APLF: variants seen among roughly 807,000 people sequenced by gnomAD.
APLF encodes aprataxin and PNKP like factor, also known as aprataxin and PNK-like factor.
A neutral mutation model predicts 55.6 loss-of-function variants in APLF; 61 were observed. That is an observed-to-expected ratio of 1.10 (90% CI 0.89 to 1.36). APLF has a LOEUF of 1.36. APLF is among the 40% of genes most tolerant of loss of function. APLF has a pLI of 0.00. For missense variants in APLF, 611 were observed against 602.5 expected (o/e 1.01, Z -0.15); for synonymous variants, 207 against 214.8 (o/e 0.96, Z 0.32).
intron 2 of APLF, among the ~76,000 whole-genome samples, chr2:68,500,432 T>C (rs1032671835): frequency 7.9e-5 from 12 of 152,188 alleles, no homozygotes; most frequent in Non-Finnish European, 1.3e-4. Context: ...TCAAACAGAA[T>C]ATTGCGTGAT....
intron 8 of APLF, among the ~76,000 whole-genome samples, chr2:68,552,512 A>G (rs750010204): frequency 2.6e-5 from 4 of 152,174 alleles, no homozygotes; most frequent in Admixed American, 2.6e-4. Context: ...TAGATAATCT[A>G]AAATTTTCAT....
At chr2:68,557,212 A>G (rs1175082500) in intron 8 of APLF, among the ~76,000 whole-genome samples, 3 of 152,162 alleles carry the variant, frequency 2.0e-5, no homozygotes, top group Non-Finnish European at 4.4e-5. Flanking sequence ...TGCACTTTAA[A>G]TCATCTCTAG....
intron 9 of APLF, 46 bp from the exon 10 acceptor site, chr2:68,577,774 G>A (rs1488275660): frequency 6.3e-7 from 1 of 1,598,908 alleles, no homozygotes; most frequent in Admixed American, 1.7e-5. Flanking sequence ...GTCATCCCAG[G>A]TTGAGTGGTG....
chr2:68,557,078 A>G (rs756255407), intron 8 of APLF, among the ~76,000 whole-genome samples: 15 of 152,136 alleles, frequency 9.9e-5, no homozygotes, highest in African/African-American at 7.2e-5. Context: ...AGAAAGTACA[A>G]TCTGTCCCTG....
intron 5 of APLF, among the ~76,000 whole-genome samples, chr2:68,517,094 A>G (rs1669616097): frequency 8.0e-6 from 1 of 124,578 alleles, no homozygotes; most frequent in South Asian, 2.3e-4. Context: ...TTATTAATAT[A>G]TAATATACTA....
In APLF at chr2:68,529,567, G is replaced by T. The variant is rs1048778368; in HGVS notation, c.804+3325G>T. On this transcript the variant is annotated intron_variant, in intron 6 of 9. Transcript: ENST00000303795. This position sits in a 1 kb window ranked among gnomAD's most constrained non-coding sequence, Gnocchi z 4.4. ...CTGGGTGCACACTGGGCATCTGGGAGTTTATGACATCACCATGGGGCTGGT... is the reference window on the plus strand; with the variant it reads ...CTGGGTGCACACTGGGCATCTGGGATTTTATGACATCACCATGGGGCTGGT... 10 of 639,072 alleles carry T rather than the reference G, an allele frequency of 1.6e-5. No homozygotes were observed. In the African/African-American group the frequency reaches 1.8e-4, roughly 11 times the overall value. 39.6% of individuals were successfully genotyped at this position (639,072 alleles called of 1,614,324 possible). A position where few individuals can be genotyped will look rare whatever the true frequency, so the allele number is the denominator to read the frequency against.
intron 5 of APLF, among the ~76,000 whole-genome samples, chr2:68,514,062 T>C (rs1669497650): frequency 1.3e-5 from 2 of 151,800 alleles, no homozygotes; most frequent in Non-Finnish European, 2.9e-5. Flanking sequence ...TTCTTTTTTC[T>C]GCCATCTCTA....
intron 8 of APLF, among the ~76,000 whole-genome samples, chr2:68,558,705 C>T (rs1671082492): frequency 6.6e-6 from 1 of 152,038 alleles, no homozygotes; most frequent in Non-Finnish European, 1.5e-5. Context: ...TAAACATTTG[C>T]CATGATGGTT....
intron 5 of APLF, among the ~76,000 whole-genome samples, chr2:68,515,394 C>T (rs540319654): frequency 6.6e-6 from 1 of 151,582 alleles, no homozygotes; most frequent in African/African-American, 2.4e-5. Context: ...AGACACTTTC[C>T]CTCAGTAGAA....
At chr2:68,484,094 A>C (rs888430934) in intron 1 of APLF, among the ~76,000 whole-genome samples, 74 of 152,158 alleles carry the variant, frequency 4.9e-4, no homozygotes, top group Admixed American at 4.7e-3. Context: ...CAAAATATCT[A>C]AGTATTTCTG....
At chr2:68,525,923 T>C (rs1670031350) in intron 5 of APLF, 138 bp from the exon 6 acceptor site, 2 of 763,208 alleles carry the variant, frequency 2.6e-6, no homozygotes, top group Non-Finnish European at 4.0e-6. Context: ...CTATCTTTTG[T>C]ATTTTCAGTA....
intron 7 of APLF, among the ~76,000 whole-genome samples, chr2:68,541,174 A>G (rs889655044): frequency 4.6e-5 from 7 of 152,182 alleles, no homozygotes; most frequent in African/African-American, 1.4e-4. Flanking sequence ...TGTAAAACAT[A>G]TAAAGTACAG....
chr2:68,540,695 G>A lies in APLF; in HGVS notation c.1160+2468G>A, dbSNP rs557487300. ...CTGTTGCAAGAATCAATATTGTAAA[G>A]ATATATATTTCCTCAAAATCGCTCT... On this transcript the variant is annotated intron_variant, in intron 7 of 9. Transcript: ENST00000303795. Among the ~76,000 whole-genome samples the A allele has an allele frequency of 5.9e-5, 9 of 152,106 alleles. No homozygotes were observed. The East Asian group carries it at 1.7e-3, about 29-fold the overall frequency.
At chr2:68,488,053 C>T (rs1280339826) in intron 1 of APLF, among the ~76,000 whole-genome samples, 1 of 151,992 alleles carries the variant, frequency 6.6e-6, no homozygotes. Flanking sequence ...AGGAAAAGTT[C>T]ATGTATTGCT....
chr2:68,507,398 G>T (rs531124568), intron 3 of APLF, among the ~76,000 whole-genome samples: 3 of 151,806 alleles, frequency 2.0e-5, no homozygotes, highest in Non-Finnish European at 4.4e-5. Context: ...TTTTTATATA[G>T]TATTTAGATT....
At chr2:68,566,380 C>T (rs1671310683) in intron 8 of APLF, among the ~76,000 whole-genome samples, 1 of 152,030 alleles carries the variant, frequency 6.6e-6, no homozygotes, top group Non-Finnish European at 1.5e-5. Context: ...GTCTACCTTG[C>T]TCCTGCCCCC....
intron 9 of APLF, among the ~76,000 whole-genome samples, chr2:68,571,928 T>A (rs895587155): frequency 2.0e-5 from 3 of 152,322 alleles, no homozygotes; most frequent in Non-Finnish European, 4.4e-5. Flanking sequence ...TGGCCTCTAT[T>A]ATTATGTGAT....
rs966421312 is a variant in APLF at position 68,529,925 on chromosome 2, C to T, written c.804+3683C>T. ...CCAGCCAGATCCCGCCAGGCTCCCC[C>T]GGGGCCTCTCCAGTGCCTCTGTGCC... On this transcript the variant is annotated intron_variant, in intron 6 of 9. Coordinates refer to ENST00000303795, the MANE Select transcript of APLF (RefSeq NM_173545.3). The surrounding 1 kb of genome is among the most constrained non-coding windows in gnomAD (Gnocchi z 4.4). Among the ~76,000 whole-genome samples the T allele has an allele frequency of 1.2e-4, 19 of 152,236 alleles. No homozygotes were observed. Among genetic ancestry groups the T allele is most frequent in the Admixed American group, 1.1e-3 (17 of 15,290 alleles).
intron 5 of APLF, among the ~76,000 whole-genome samples, chr2:68,521,906 G>C (rs1377728920): frequency 6.6e-6 from 1 of 151,932 alleles, no homozygotes; most frequent in Admixed American, 6.6e-5. Context: ...AGTTCAAAAT[G>C]TACTTACATT....
Sources: allele counts gnomAD v4.1 joint callset (sites outside exome capture counted in the v4.1 genomes callset), GRCh38; gene constraint gnomAD v4.1.1; non-coding constraint Gnocchi (gnomAD v3.1); transcripts MANE v1.5; gene names NCBI Gene and HGNC (gene_info 2026-07-23, HGNC 2026-07-21).